The following SLC9A9 variants were observed in gnomAD, a reference collection of about 807,000 sequenced individuals.
SLC9A9 encodes solute carrier family 9 member A9.
A neutral mutation model predicts 77.8 loss-of-function variants in SLC9A9; 62 were observed. The ratio of observed to expected loss-of-function variants is 0.80; its 90% CI spans 0.65 to 0.98. SLC9A9 has a LOEUF of 0.98. SLC9A9 is among the 50% of genes least tolerant of loss of function. The pLI is 0.00. For missense variants in SLC9A9, 775 were observed against 774.9 expected, an observed-to-expected ratio of 1.00 and a Z score of 0.00; for synonymous variants, 320 against 283.5, an observed-to-expected ratio of 1.13 and a Z score of -1.29.
chr3:143,433,790 G>A lies in SLC9A9; in HGVS notation c.1469+33247C>T, dbSNP rs371647281. Reference sequence around the variant, plus strand: ...TGACAGCAGCAGAATCTTTCAGAAAGGAGTCTCAGAAAACTTTATTAGAAC... The same window carrying A: ...TGACAGCAGCAGAATCTTTCAGAAAAGAGTCTCAGAAAACTTTATTAGAAC... On this transcript the variant is annotated intron_variant, in intron 12 of 15. Coordinates refer to ENST00000316549, the MANE Select transcript of SLC9A9 (RefSeq NM_173653.4). Among the ~76,000 whole-genome samples, 83 of 152,330 alleles carry A rather than the reference G, an allele frequency of 5.4e-4. 1 individual carries two copies. The highest frequency in any genetic ancestry group is 1.9e-3 in the African/African-American group (80 of 41,594).
intron 8 of SLC9A9, among the ~76,000 whole-genome samples, chr3:143,558,216 C>G (rs575350078): frequency 3.9e-5 from 6 of 152,334 alleles, no homozygotes; most frequent in African/African-American, 1.4e-4. Context: ...CCTGGATGTA[C>G]AGGCAGAAGT....
At chr3:143,637,945 A>G (rs1389328303) in intron 6 of SLC9A9, among the ~76,000 whole-genome samples, 1 of 152,264 alleles carries the variant, frequency 6.6e-6, no homozygotes, top group Non-Finnish European at 1.5e-5. Context: ...AAAGAAAGCC[A>G]ACTGCATACA....
At chr3:143,676,734 T>TCAAA (rs111553158) in intron 5 of SLC9A9, among the ~76,000 whole-genome samples, 9,785 of 151,816 alleles carry the variant, frequency 0.064, 417 homozygotes, top group African/African-American at 0.13. Context: ...AGACTCCTTC[T>TCAAA]CAAACAAACA....
At chr3:143,652,548 A>C (rs2038815655) in intron 5 of SLC9A9, among the ~76,000 whole-genome samples, 188 bp from the exon 6 acceptor site, 1 of 152,128 alleles carries the variant, frequency 6.6e-6, no homozygotes, top group African/African-American at 2.4e-5. Context: ...CCTACTGCTT[A>C]AAGATAAAAT....
rs750032787 is a variant in SLC9A9, at chr3:143,495,444, A to G, written c.1094T>C (p.Phe365Ser). Reference protein sequence around the residue: ...SDSKIRTKQLFEFMNFLAENV... With the variant: ...SDSKIRTKQLSEFMNFLAENV... ...CTCCGCCAAAAAGTTCATAAATTCA[A>G]ACAACTGAAACAAAACATAAAACAA... Residue 365 changes from phenylalanine (F) to serine (S), a missense_variant, in exon 10 of 16, where the codon TTT (phenylalanine) becomes TCT (serine). Transcript: ENST00000316549. 6.2e-7 allele frequency: 1 copy of G among 1,609,260 alleles called. No individual in the cohort carries two copies. The highest frequency in any genetic ancestry group is 8.5e-7 in the Non-Finnish European group (1 of 1,175,636).
intron 14 of SLC9A9, among the ~76,000 whole-genome samples, chr3:143,306,180 G>A (rs890052565): frequency 2.0e-5 from 3 of 152,188 alleles, no homozygotes; most frequent in Non-Finnish European, 2.9e-5. Flanking sequence ...GGAGGCAGTG[G>A]GGAACATAAT....
chr3:143,813,319 C>T (rs572351922), intron 2 of SLC9A9, among the ~76,000 whole-genome samples: 5 of 152,188 alleles, frequency 3.3e-5, no homozygotes, highest in South Asian at 2.1e-4. Context: ...ATCCATATCT[C>T]GTGACACACC....
At chr3:143,634,166 T>A (rs1022916610) in intron 6 of SLC9A9, among the ~76,000 whole-genome samples, 1 of 152,050 alleles carries the variant, frequency 6.6e-6, no homozygotes, top group Non-Finnish European at 1.5e-5. Flanking sequence ...TGAAATTCAG[T>A]AACTTTTTCA....
chr3:143,810,412 T>C (rs183786393), intron 2 of SLC9A9, among the ~76,000 whole-genome samples: 50 of 152,366 alleles, frequency 3.3e-4, no homozygotes, highest in African/African-American at 1.2e-3. Context: ...TTGTGATTTA[T>C]GTAGTACATT....
intron 15 of SLC9A9, among the ~76,000 whole-genome samples, chr3:143,268,486 C>T (rs1937795818): frequency 6.6e-6 from 1 of 152,100 alleles, no homozygotes; most frequent in Non-Finnish European, 1.5e-5. Context: ...GTAATCCCAG[C>T]ACTTTGGGAG....
At chr3:143,640,207 G>C (rs1310991290) in intron 6 of SLC9A9, among the ~76,000 whole-genome samples, 1 of 151,910 alleles carries the variant, frequency 6.6e-6, no homozygotes, top group Non-Finnish European at 1.5e-5. Flanking sequence ...ATTTTTAGTA[G>C]AGACGCAGTT....
chr3:143,791,517 T>G (rs569866685), intron 4 of SLC9A9, among the ~76,000 whole-genome samples: 1 of 152,342 alleles, frequency 6.6e-6, no homozygotes, highest in South Asian at 2.1e-4. Flanking sequence ...CTGGACTTCA[T>G]GGCCTTTTGT....
intron 8 of SLC9A9, 36 bp from the exon 9 acceptor site, chr3:143,552,486 T>A (rs752260158): frequency 6.3e-7 from 1 of 1,586,780 alleles, no homozygotes; most frequent in South Asian, 1.1e-5. Context: ...AAAACCAATT[T>A]TTCTTTTCCA....
In SLC9A9 at chr3:143,458,952, C is replaced by CTTT; in HGVS notation, c.1469+8082_1469+8084dup. 2.6e-5 allele frequency among the ~76,000 whole-genome samples: 4 copies of CTTT among 152,102 alleles called. No individual in the cohort carries two copies. The South Asian group carries it at 8.3e-4, about 32-fold the overall frequency. ...AGATCTGCTGGTGAAAAATGTCATA[C>CTTT]TTTTGTTCAGATTAGATAATTTCTT... On this transcript the variant is annotated intron_variant, in intron 12 of 15. Coordinates refer to ENST00000316549, the MANE Select transcript of SLC9A9 (RefSeq NM_173653.4).
intron 9 of SLC9A9, among the ~76,000 whole-genome samples, chr3:143,524,988 C>A (rs2036380149): frequency 6.6e-6 from 1 of 152,178 alleles, no homozygotes; most frequent in South Asian, 2.1e-4. Flanking sequence ...CCTCTAGAAT[C>A]ATGAGCTAAA....
At chr3:143,770,933 G>C (rs1374414662) in intron 4 of SLC9A9, among the ~76,000 whole-genome samples, 2 of 152,082 alleles carry the variant, frequency 1.3e-5, no homozygotes, top group African/African-American at 4.8e-5. Flanking sequence ...CTAGATGACA[G>C]GTTGAAAGGT....
intron 4 of SLC9A9, among the ~76,000 whole-genome samples, chr3:143,735,124 A>G (rs1411425540): frequency 6.6e-6 from 1 of 152,188 alleles, no homozygotes; most frequent in African/African-American, 2.4e-5. Context: ...AGACAGCCAC[A>G]CTTCCTGTCC....
In SLC9A9 at chr3:143,820,002, TTGC is replaced by T. The variant is rs539649502; in HGVS notation, c.378+12014_378+12016del. Among the ~76,000 whole-genome samples the T allele has an allele frequency of 6.9e-3, 1,053 of 152,300 alleles. 5 individuals are homozygous for T. Among genetic ancestry groups the T allele is most frequent in the Non-Finnish European group, 0.012 (794 of 68,024 alleles). Reference sequence around the variant, plus strand: ...ATCATAGCTTCTAATTGCAAGTCCATTGCTTTGTTGATAACAACAATAGCAAGT... The same window carrying T: ...ATCATAGCTTCTAATTGCAAGTCCATTTTGTTGATAACAACAATAGCAAGT... On this transcript the variant is annotated intron_variant, in intron 2 of 15. Transcript: ENST00000316549.
chr3:143,794,282 T>C (rs895465422), intron 4 of SLC9A9, among the ~76,000 whole-genome samples: 2 of 152,024 alleles, frequency 1.3e-5, no homozygotes, highest in Non-Finnish European at 2.9e-5. Context: ...TATCAGATAA[T>C]TGAAGACATC....
Sources: allele counts gnomAD v4.1 joint callset (sites outside exome capture counted in the v4.1 genomes callset), GRCh38; gene constraint gnomAD v4.1.1; transcripts MANE v1.5; gene names NCBI Gene and HGNC (gene_info 2026-07-23, HGNC 2026-07-21).